The following IFT140 variants were observed in gnomAD, a reference collection of about 807,000 sequenced individuals.
IFT140 encodes intraflagellar transport protein 140 homolog.
In IFT140, 133 loss-of-function variants were observed where a neutral mutation model predicts 164.6. The observed-to-expected ratio is 0.81, with a 90% CI of 0.70 to 0.93. The LOEUF is 0.93. IFT140 is among the 40% of genes least tolerant of loss of function. The probability of loss-of-function intolerance (pLI) is 0.00; values close to 1 mark genes in which losing one functional copy is unlikely to be tolerated. For missense variants in IFT140, 2,045 were observed against 1,972.3 expected, an observed-to-expected ratio of 1.04 and a Z score of -0.70; for synonymous variants, 860 against 817.3, an observed-to-expected ratio of 1.05 and a Z score of -0.89.
intron 14 of IFT140, among the ~76,000 whole-genome samples, chr16:1,568,558 C>T (rs185396752): frequency 6.6e-6 from 1 of 152,268 alleles, no homozygotes; most frequent in African/African-American, 2.4e-5. Context: ...GTGCTTCGTC[C>T]CCTTCCTCTT....
intron 4 of IFT140, among the ~76,000 whole-genome samples, chr16:1,600,465 A>T (rs1053021420): frequency 3.6e-4 from 19 of 52,294 alleles, no homozygotes; most frequent in South Asian, 3.1e-3. Context: ...AATAAATTTA[A>T]AAAAAAAAAA....
chr16:1,605,438 C>T (rs35220693), intron 3 of IFT140, among the ~76,000 whole-genome samples: 7,987 of 152,198 alleles, frequency 0.052, 439 homozygotes, highest in Admixed American at 0.17. Context: ...TGGAGTCTCA[C>T]TCTGTTGCCC....
intron 1 of IFT140, among the ~76,000 whole-genome samples, chr16:1,611,692 T>G (rs2036322841): frequency 6.7e-6 from 1 of 149,762 alleles, no homozygotes; most frequent in Admixed American, 6.7e-5. Flanking sequence ...CGCGCGCCTG[T>G]AATTCCAACT....
chr16:1,511,668 G>C (rs938501032), intron 30 of IFT140, among the ~76,000 whole-genome samples: 1 of 152,046 alleles, frequency 6.6e-6, no homozygotes, highest in Non-Finnish European at 1.5e-5. Context: ...CAGTGGACCT[G>C]CGTTTAAGGA....
intron 8 of IFT140, 56 bp from the exon 9 acceptor site, chr16:1,587,360 T>G (rs2034942521): frequency 8.9e-7 from 1 of 1,123,600 alleles, no homozygotes; most frequent in African/African-American, 1.5e-5. Context: ...CGTTTCCCTC[T>G]GAGGGGTTTT....
At chr16:1,587,797 T>TCCTCAGTCTGGGAGCTG (rs2034966960) in intron 8 of IFT140, 136 bp downstream of exon 8, 1 of 665,964 alleles carries the variant, frequency 1.5e-6, no homozygotes. Context: ...AGCTGGTGAA[T>TCCTCAGTCTGGGAGCTG]GGGTACGTCC....
intron 3 of IFT140, 136 bp from the exon 4 acceptor site, chr16:1,602,727 G>A (rs1403795856): frequency 3.9e-6 from 3 of 769,212 alleles, no homozygotes; most frequent in Non-Finnish European, 6.4e-6. Flanking sequence ...GGATCACAAA[G>A]TCAGGAGTTC....
At chr16:1,565,846 C>T (rs986472093) in intron 16 of IFT140, among the ~76,000 whole-genome samples, 3 of 152,222 alleles carry the variant, frequency 2.0e-5, no homozygotes, top group Admixed American at 6.5e-5. Flanking sequence ...ATGAGAGACG[C>T]GGATGGGTCT....
intron 30 of IFT140, among the ~76,000 whole-genome samples, chr16:1,511,734 C>CGA (rs147009635): frequency 0.094 from 14,227 of 152,056 alleles, 893 homozygotes; most frequent in African/African-American, 0.16. Flanking sequence ...CAGTCTCAAA[C>CGA]GAGAGGCTGA....
At chr16:1,590,570 C>T (rs577643629) in intron 6 of IFT140, among the ~76,000 whole-genome samples, 4 of 152,100 alleles carry the variant, frequency 2.6e-5, no homozygotes, top group Non-Finnish European at 2.9e-5. Context: ...CTTAACTGTA[C>T]CCAGCCTGGA....
intron 19 of IFT140, among the ~76,000 whole-genome samples, chr16:1,556,650 A>G (rs1168427905): frequency 6.6e-6 from 1 of 152,242 alleles, no homozygotes; most frequent in Non-Finnish European, 1.5e-5. Flanking sequence ...TGACACACTC[A>G]GCACACAGCG....
chr16:1,560,704 G>A (rs1353658802), intron 18 of IFT140, among the ~76,000 whole-genome samples: 1 of 152,180 alleles, frequency 6.6e-6, no homozygotes, highest in African/African-American at 2.4e-5. Flanking sequence ...CAGTTTAAAT[G>A]CTCCCTCGAC....
intron 19 of IFT140, among the ~76,000 whole-genome samples, chr16:1,548,427 G>A (rs2141357152): frequency 6.6e-6 from 1 of 152,356 alleles, no homozygotes; most frequent in Non-Finnish European, 1.5e-5. Context: ...CTGCAGAGCT[G>A]TAATTCACAC....
In IFT140 at chr16:1,526,889, G is replaced by A. The variant is rs2040718681; in HGVS notation, c.2400-93C>T. ...TTCTCCTGGGGCAAGTAGTCATCAG[G>A]CACAGCTGCCAAACGGGCATGAGGA... On this transcript the variant is annotated intron_variant, in intron 19 of 30. Coordinates refer to ENST00000426508, the MANE Select transcript of IFT140 (RefSeq NM_014714.4). 14 of 1,372,020 alleles carry A rather than the reference G, an allele frequency of 1.0e-5. No individual in the cohort carries two copies. In the East Asian group the frequency reaches 3.5e-4, roughly 34 times the overall value. 85.0% of individuals were successfully genotyped at this position (1,372,020 alleles called of 1,614,324 possible). A position where few individuals can be genotyped will look rare whatever the true frequency, so the allele number is the denominator to read the frequency against.
intron 19 of IFT140, among the ~76,000 whole-genome samples, chr16:1,552,408 C>T (rs533261276): frequency 2.0e-5 from 3 of 152,230 alleles, no homozygotes; most frequent in East Asian, 1.9e-4. Flanking sequence ...CCTCCAGGAC[C>T]ACCTCCTCTG....
chr16:1,537,172 C>T (rs112391476), intron 19 of IFT140, among the ~76,000 whole-genome samples: 9 of 152,206 alleles, frequency 5.9e-5, no homozygotes, highest in Non-Finnish European at 1.2e-4. Flanking sequence ...AGTCTAGGGT[C>T]GGGGTGGGGC....
At chr16:1,528,543 G>A (rs542054297) in intron 19 of IFT140, 219 of 153,424 alleles carry the variant, frequency 1.4e-3, no homozygotes, top group African/African-American at 4.7e-3. Flanking sequence ...GCACATGCAC[G>A]CACATGCACA....
chr16:1,526,920 CT>C, intron 19 of IFT140, 124 bp from the exon 20 acceptor site: 1 of 1,087,842 alleles, frequency 9.2e-7, no homozygotes, highest in Non-Finnish European at 1.3e-6. Context: ...GAGGAGGGGC[CT>C]TCACCCATCG....
At position 1,524,584 on chromosome 16, in the gene IFT140, G is replaced by C. The variant is rs774547622; in HGVS notation, c.3109C>G (p.Gln1037Glu). Residue 1037 changes from glutamine to glutamate, a missense_variant, in exon 24 of 31, where the codon CAG (glutamine) becomes GAG (glutamate). Gln to Glu is a conservative substitution (Grantham distance 29). Transcript: ENST00000426508. Reference sequence around the variant, plus strand: ...AGGCGGATGGCATTCTTGAAGGCCTGTGCCCGGGTGTAGAAGTGCACCGCC... The same window carrying C: ...AGGCGGATGGCATTCTTGAAGGCCTCTGCCCGGGTGTAGAAGTGCACCGCC... The part of the protein sequence containing the change: ...GQAVHFYTRA[Q>E]AFKNAIRLCK... 1 of 1,611,344 alleles carries C rather than the reference G, an allele frequency of 6.2e-7. No homozygotes were observed. The highest frequency in any genetic ancestry group is 1.1e-5 in the South Asian group (1 of 90,910).
Sources: gnomAD v4.1 joint callset for allele counts (sites outside exome capture counted in the v4.1 genomes callset) on GRCh38, gnomAD v4.1.1 for gene constraint, MANE v1.5 for transcripts, NCBI Gene and HGNC (gene_info 2026-07-23, HGNC 2026-07-21) for gene names.